The following NLGN4Y variants were observed in gnomAD, a reference collection of about 807,000 sequenced individuals.
The protein encoded by NLGN4Y is neuroligin-4, Y-linked.
Under a neutral mutation model 8.4 loss-of-function variants are expected in NLGN4Y, and 4 were observed. That is an observed-to-expected ratio of 0.48 (90% confidence interval 0.23 to 1.09). The LOEUF (loss-of-function observed/expected upper bound fraction) is 1.09. NLGN4Y is among the 50% of genes least tolerant of loss of function. The probability of loss-of-function intolerance (pLI) is 0.19; values close to 1 mark genes in which losing one functional copy is unlikely to be tolerated. For missense variants in NLGN4Y, 90 were observed against 192.3 expected (o/e 0.47, Z 3.15); for synonymous variants, 35 against 75.6 (o/e 0.46, Z 2.78).
intron 1 of NLGN4Y, among the ~76,000 whole-genome samples, chrY:14,587,638 G>A: frequency 3.0e-5 from 1 of 33,547 alleles, no homozygotes; most frequent in Non-Finnish European, 7.4e-5. Context: ...CTCTTCCAAG[G>A]TCAAGTGTTA....
At chrY:14,603,973 C>T (rs2080437609) in intron 1 of NLGN4Y, among the ~76,000 whole-genome samples, 1 of 32,873 alleles carries the variant, frequency 3.0e-5, no homozygotes, top group Non-Finnish European at 7.5e-5. Flanking sequence ...CCTTACTAAG[C>T]GCAGTGATCT....
chrY:14,745,522 A>G (rs768066489), intron 4 of NLGN4Y, among the ~76,000 whole-genome samples: 1 of 33,646 alleles, frequency 3.0e-5, no homozygotes, highest in South Asian at 6.5e-4. Context: ...AGATACATGA[A>G]ATTGTTTGCA....
At chrY:14,689,926 G>A (rs780893210) in intron 2 of NLGN4Y, among the ~76,000 whole-genome samples, 2 of 33,307 alleles carry the variant, frequency 6.0e-5, no homozygotes, top group Non-Finnish European at 1.5e-4. Flanking sequence ...CATGCTGGGT[G>A]GAGAGGTAGA....
intron 4 of NLGN4Y, among the ~76,000 whole-genome samples, chrY:14,749,081 C>T: frequency 3.1e-5 from 1 of 32,216 alleles, no homozygotes; most frequent in Non-Finnish European, 7.5e-5. Flanking sequence ...TGTCTTCTGG[C>T]GTCAGAAATG....
intron 4 of NLGN4Y, among the ~76,000 whole-genome samples, chrY:14,788,525 C>G: frequency 3.0e-5 from 1 of 33,159 alleles, no homozygotes; most frequent in Non-Finnish European, 7.4e-5. Context: ...TTCTTCAAAG[C>G]ACAGCTTTTA....
intron 1 of NLGN4Y, among the ~76,000 whole-genome samples, chrY:14,534,452 C>A (rs2080124292): frequency 3.0e-5 from 1 of 33,346 alleles, no homozygotes; most frequent in East Asian, 7.7e-4. Flanking sequence ...AAGGTTGGTT[C>A]TTTGTAATGA....
At chrY:14,686,898 T>C in intron 2 of NLGN4Y, among the ~76,000 whole-genome samples, 2 of 33,070 alleles carry the variant, frequency 6.0e-5, no homozygotes, top group Non-Finnish European at 1.5e-4. Context: ...ATTTTAAATA[T>C]TTGAATATGT....
chrY:14,655,032 C>CTTA (rs2080644477), intron 2 of NLGN4Y, among the ~76,000 whole-genome samples: 2 of 33,039 alleles, frequency 6.1e-5, no homozygotes, highest in East Asian at 1.6e-3. Flanking sequence ...GGACATAAAA[C>CTTA]CTAGGCAGAT....
At chrY:14,573,164 A>C (rs764427315) in intron 1 of NLGN4Y, among the ~76,000 whole-genome samples, 3 of 33,557 alleles carry the variant, frequency 8.9e-5, no homozygotes, top group Admixed American at 5.4e-4. Flanking sequence ...TAGTTTCAGA[A>C]GCAATGGTAA....
chrY:14,741,633 AG>A (rs2081006137), intron 4 of NLGN4Y, among the ~76,000 whole-genome samples: 1 of 34,712 alleles, frequency 2.9e-5, no homozygotes, highest in Non-Finnish European at 7.3e-5. Context: ...TTTTAACAAA[AG>A]TTTTGAAAAT....
chrY:14,720,219 C>G, intron 3 of NLGN4Y, among the ~76,000 whole-genome samples: 1 of 33,549 alleles, frequency 3.0e-5, no homozygotes, highest in African/African-American at 1.2e-4. Context: ...TTCACACCAC[C>G]GTTCTTTGAA....
At chrY:14,801,233 G>A (rs770759924) in intron 4 of NLGN4Y, 2 of 32,113 alleles carry the variant, frequency 6.2e-5, no homozygotes, top group Non-Finnish European at 7.6e-5. Context: ...AGAACTGCCC[G>A]AGACTGGCTA....
chrY:14,719,566 C>T, intron 3 of NLGN4Y, 48 bp downstream of exon 3: 1 of 154,709 alleles, frequency 6.5e-6, no homozygotes, highest in Non-Finnish European at 1.1e-5. Context: ...GATTTTATGT[C>T]TATCTATCTC....
Position 14,840,636 on chromosome Y carries a change from A to G in NLGN4Y, c.1885A>G (p.Thr629Ala). The change falls in exon 7 of 7, where the codon ACA becomes GCA. Residue 629 changes from threonine to alanine, a missense_variant. Transcript: ENST00000684976. ...NLNEIFQYVS[T>A]TTKVPPPDMT... Reference sequence around the variant, plus strand: ...GAACGAGATATTCCAGTATGTTTCAACAACCACAAAGGTTCCTCCACCAGA... The same window carrying G: ...GAACGAGATATTCCAGTATGTTTCAGCAACCACAAAGGTTCCTCCACCAGA... 1 of 397,026 alleles carries G rather than the reference A, an allele frequency of 2.5e-6. No homozygotes were observed.
chrY:14,596,371 T>C (rs2080397721), intron 1 of NLGN4Y, among the ~76,000 whole-genome samples: 1 of 33,324 alleles, frequency 3.0e-5, no homozygotes, highest in Non-Finnish European at 7.4e-5. Flanking sequence ...CAGAGGCAGG[T>C]AGCAATTTTT....
chrY:14,659,496 A>G, intron 2 of NLGN4Y, among the ~76,000 whole-genome samples: 1 of 32,448 alleles, frequency 3.1e-5, no homozygotes, highest in Non-Finnish European at 7.6e-5. Flanking sequence ...TCTTTCATGG[A>G]TTTTTACTTA....
At chrY:14,764,407 G>A in intron 4 of NLGN4Y, among the ~76,000 whole-genome samples, 1 of 33,001 alleles carries the variant, frequency 3.0e-5, no homozygotes, top group Admixed American at 2.8e-4. Context: ...AGGCTCTGTC[G>A]ACCATACACT....
intron 1 of NLGN4Y, among the ~76,000 whole-genome samples, chrY:14,592,153 G>C: frequency 3.1e-5 from 1 of 32,559 alleles, no homozygotes; most frequent in Non-Finnish European, 7.5e-5. Context: ...AAGGAAGCAG[G>C]AGGGATACAC....
At chrY:14,836,282 G>A (rs2043197730) in intron 6 of NLGN4Y, among the ~76,000 whole-genome samples, 1 of 32,598 alleles carries the variant, frequency 3.1e-5, no homozygotes, top group African/African-American at 1.2e-4. Context: ...GCACCATCAA[G>A]CAAAAGTGAA....
Sources: gnomAD v4.1 joint callset for allele counts (sites outside exome capture counted in the v4.1 genomes callset) on GRCh38, gnomAD v4.1.1 for gene constraint, MANE v1.5 for transcripts, NCBI Gene and HGNC (gene_info 2026-07-23, HGNC 2026-07-21) for gene names.